Variants in GRM8 observed in about 807,000 individuals in gnomAD.
GRM8 encodes glutamate metabotropic receptor 8.
In GRM8, 47 loss-of-function variants were observed where a neutral mutation model predicts 87.2. The ratio of observed to expected loss-of-function variants is 0.54; its 90% CI spans 0.43 to 0.69. GRM8 has a LOEUF of 0.69. Among genes scored for constraint, GRM8 ranks in the 30% least tolerant of loss-of-function variants. GRM8 has a pLI of 0.00. For synonymous variants in GRM8, 396 were observed against 404.5 expected, an observed-to-expected ratio of 0.98 and a Z score of 0.25; for missense variants, 1,019 against 1,139.2, an observed-to-expected ratio of 0.89 and a Z score of 1.52.
rs191595240 is a variant in GRM8, at chr7:126,859,411, C to T, written c.1156+43131G>A. Among the ~76,000 whole-genome samples, 19 of 152,240 alleles carry T rather than the reference C, an allele frequency of 1.2e-4. No individual in the cohort carries two copies. The East Asian group carries it at 3.5e-3, about 28-fold the overall frequency. ...ACCAAGATCAGATCTGTTGCACTTT[C>T]CCCAAGCTATTTGCAACTTAATGGA... On this transcript the variant is annotated intron_variant, in intron 6 of 10. Coordinates refer to ENST00000339582, the MANE Select transcript of GRM8 (RefSeq NM_000845.3).
chr7:126,486,117 C>A (rs184483076), intron 9 of GRM8, among the ~76,000 whole-genome samples: 2 of 151,968 alleles, frequency 1.3e-5, no homozygotes, highest in Middle Eastern at 3.2e-3. Flanking sequence ...TTGAACCCCC[C>A]GTCCAACAAA....
chr7:126,657,574 T>C (rs1023847618), intron 7 of GRM8, among the ~76,000 whole-genome samples: 3 of 152,240 alleles, frequency 2.0e-5, no homozygotes, highest in African/African-American at 7.2e-5. Flanking sequence ...TGTATAATAG[T>C]TCCAAGCTTC....
chr7:126,987,617 C>A (rs1182318236), intron 3 of GRM8, among the ~76,000 whole-genome samples: 1 of 152,002 alleles, frequency 6.6e-6, no homozygotes, highest in Admixed American at 6.6e-5. Flanking sequence ...CCTGCCACCA[C>A]GCCCGGCTAA....
intron 2 of GRM8, among the ~76,000 whole-genome samples, chr7:127,130,943 C>T (rs192259159): frequency 6.6e-6 from 1 of 152,176 alleles, no homozygotes; most frequent in African/African-American, 2.4e-5. Context: ...GTCAATTAAA[C>T]CTTTCTTTAT....
chr7:127,012,513 G>A (rs967162614), intron 3 of GRM8, among the ~76,000 whole-genome samples: 2 of 151,980 alleles, frequency 1.3e-5, no homozygotes, highest in African/African-American at 4.8e-5. Flanking sequence ...CATAATTGCA[G>A]GCATTTGGGC....
At chr7:127,107,291 A>C (rs532727665) in intron 2 of GRM8, among the ~76,000 whole-genome samples, 41 of 152,344 alleles carry the variant, frequency 2.7e-4, no homozygotes, top group Middle Eastern at 3.4e-3. Flanking sequence ...AGATTTGAGA[A>C]TTGCCAGCAG....
intron 6 of GRM8, among the ~76,000 whole-genome samples, chr7:126,784,833 T>C (rs1016071235): frequency 6.6e-6 from 1 of 152,210 alleles, no homozygotes; most frequent in African/African-American, 2.4e-5. Context: ...TCTGCCTGTC[T>C]ATTCAAAGTG....
At chr7:126,832,773 A>G (rs1795516700) in intron 6 of GRM8, among the ~76,000 whole-genome samples, 2 of 152,168 alleles carry the variant, frequency 1.3e-5, no homozygotes, top group South Asian at 2.1e-4. Flanking sequence ...CTATTAGTTT[A>G]TTTTTCTAAA....
chr7:126,463,406 A>G (rs1804119286), intron 9 of GRM8, among the ~76,000 whole-genome samples: 1 of 151,646 alleles, frequency 6.6e-6, no homozygotes, highest in African/African-American at 2.4e-5. Context: ...AGGATGACAG[A>G]TGATTTCCAT....
intron 3 of GRM8, among the ~76,000 whole-genome samples, chr7:126,912,551 T>C (rs1354562508): frequency 6.6e-6 from 1 of 152,218 alleles, no homozygotes; most frequent in African/African-American, 2.4e-5. Context: ...TGGAGAACCC[T>C]GACCAATACA....
In GRM8 at chr7:126,609,352, C is replaced by T. The variant is rs200971848; in HGVS notation, c.1494+10G>A. On this transcript the variant is annotated intron_variant, in intron 8 of 10. Coordinates refer to ENST00000339582, the MANE Select transcript of GRM8 (RefSeq NM_000845.3). Reference sequence around the variant, plus strand: ...TATATACATTAATATATGTTTATGACGATACTTGCTTTTAGATGAAGCTGA... The same window carrying T: ...TATATACATTAATATATGTTTATGATGATACTTGCTTTTAGATGAAGCTGA... 7.0e-4 allele frequency: 1,125 copies of T among 1,609,086 alleles called. 3 individuals carry two copies. The highest frequency in any genetic ancestry group is 8.5e-4 in the Non-Finnish European group (999 of 1,176,080).
chr7:126,700,645 C>T (rs1809824950), intron 7 of GRM8, among the ~76,000 whole-genome samples: 1 of 151,978 alleles, frequency 6.6e-6, no homozygotes, highest in Non-Finnish European at 1.5e-5. Flanking sequence ...ACTCCAGTCC[C>T]AATTTAGTTC....
chr7:126,458,606 A>G (rs907758978), intron 9 of GRM8, among the ~76,000 whole-genome samples: 7 of 151,428 alleles, frequency 4.6e-5, no homozygotes, highest in African/African-American at 1.4e-4. Flanking sequence ...AATAGTTTGA[A>G]TAAGTCAGTA....
chr7:126,643,290 CAAAAAAAAAAAA>C (rs1157527693), intron 7 of GRM8, among the ~76,000 whole-genome samples: 70 of 20,074 alleles, frequency 3.5e-3, no homozygotes, highest in African/African-American at 0.012. Context: ...GAACTTGTCT[CAAAAAAAAAAAA>C]AAAAAAAAAA....
chr7:126,445,807 T>C (rs1407458050), intron 10 of GRM8, among the ~76,000 whole-genome samples: 1 of 152,028 alleles, frequency 6.6e-6, no homozygotes, highest in Admixed American at 6.6e-5. Flanking sequence ...TGGAATTGTT[T>C]CCAAGTACTA....
At chr7:126,693,233 C>G (rs1809014727) in intron 7 of GRM8, among the ~76,000 whole-genome samples, 1 of 152,142 alleles carries the variant, frequency 6.6e-6, no homozygotes, top group South Asian at 2.1e-4. Flanking sequence ...CAGTGTTATA[C>G]TAACATTATT....
At chr7:127,026,909 C>T (rs1816840140) in intron 3 of GRM8, among the ~76,000 whole-genome samples, 1 of 152,212 alleles carries the variant, frequency 6.6e-6, no homozygotes. Flanking sequence ...AGTCTTTGCC[C>T]ATGCCTATGT....
intron 8 of GRM8, among the ~76,000 whole-genome samples, chr7:126,549,646 A>T (rs1026600868): frequency 1.3e-5 from 2 of 152,212 alleles, no homozygotes; most frequent in Non-Finnish European, 2.9e-5. Flanking sequence ...AACTCTTATG[A>T]TCACATAATT....
At chr7:126,831,566 T>C (rs1586122127) in intron 6 of GRM8, among the ~76,000 whole-genome samples, 2 of 152,300 alleles carry the variant, frequency 1.3e-5, no homozygotes, top group Admixed American at 1.3e-4. Flanking sequence ...GTCCAGTATT[T>C]GGGTGGGAGT....
Sources: allele counts gnomAD v4.1 joint callset (sites outside exome capture counted in the v4.1 genomes callset), GRCh38; gene constraint gnomAD v4.1.1; transcripts MANE v1.5; gene names NCBI Gene and HGNC (gene_info 2026-07-23, HGNC 2026-07-21).